Variants in EPM2A observed in about 807,000 individuals in gnomAD.
EPM2A encodes laforin.
EPM2A carries 21 observed loss-of-function variants against 26.5 expected under a neutral mutation model. That is an observed-to-expected ratio of 0.79 (90% CI 0.56 to 1.14). The LOEUF (loss-of-function observed/expected upper bound fraction) is 1.14, where lower values mean the gene tolerates loss of function less well. EPM2A is among the 50% of genes most tolerant of loss of function. EPM2A has a pLI of 0.00. For synonymous variants in EPM2A, 217 were observed against 177.6 expected, an observed-to-expected ratio of 1.22 and a Z score of -1.76; for missense variants, 458 against 440.8, an observed-to-expected ratio of 1.04 and a Z score of -0.35.
At chr6:145,548,103 G>A (rs981511731) in intron 2 of EPM2A, among the ~76,000 whole-genome samples, 1 of 151,934 alleles carries the variant, frequency 6.6e-6, no homozygotes, top group Non-Finnish European at 1.5e-5. Flanking sequence ...TGGCACTCCC[G>A]CATGCTGCAG....
intron 2 of EPM2A, among the ~76,000 whole-genome samples, chr6:145,537,285 T>C (rs1395570498): frequency 1.3e-5 from 2 of 152,170 alleles, no homozygotes; most frequent in Non-Finnish European, 2.9e-5. Context: ...ATATATGGTC[T>C]CTCCATTGTC....
intron 4 of EPM2A, among the ~76,000 whole-genome samples, chr6:145,431,239 G>A: frequency 6.6e-6 from 1 of 152,186 alleles, no homozygotes; most frequent in East Asian, 1.9e-4. Flanking sequence ...GAATACACTA[G>A]AGTCCTAATA....
At chr6:145,552,445 C>T (rs1043422502) in intron 2 of EPM2A, among the ~76,000 whole-genome samples, 2 of 151,944 alleles carry the variant, frequency 1.3e-5, no homozygotes, top group African/African-American at 4.8e-5. Flanking sequence ...AAAAAGTAGA[C>T]TTACAGAAAA....
chr6:145,609,901 C>T (rs1011524698), intron 2 of EPM2A, among the ~76,000 whole-genome samples: 9 of 152,144 alleles, frequency 5.9e-5, no homozygotes, highest in African/African-American at 2.2e-4. Flanking sequence ...TGAAATCTTT[C>T]ATCCATTTAT....
intron 4 of EPM2A, among the ~76,000 whole-genome samples, chr6:145,435,855 TAG>T (rs1176995858): frequency 3.3e-5 from 5 of 152,174 alleles, no homozygotes; most frequent in African/African-American, 7.2e-5. Context: ...GCTAAAAATA[TAG>T]AGAGTTTTTT....
intron 4 of EPM2A, among the ~76,000 whole-genome samples, chr6:145,422,701 A>AT (rs570928592): frequency 1.3e-5 from 2 of 151,830 alleles, no homozygotes; most frequent in Non-Finnish European, 2.9e-5. Flanking sequence ...TGTGAAATTG[A>AT]TTTTTTTCTC....
intron 2 of EPM2A, among the ~76,000 whole-genome samples, chr6:145,528,138 G>C (rs1264645811): frequency 4.6e-5 from 7 of 152,150 alleles, no homozygotes; most frequent in African/African-American, 1.2e-4. Flanking sequence ...AGCAGAGGTT[G>C]CTTCATGTGG....
At chr6:145,476,520 G>A (rs958583400) in intron 4 of EPM2A, among the ~76,000 whole-genome samples, 1 of 151,880 alleles carries the variant, frequency 6.6e-6, no homozygotes, top group Non-Finnish European at 1.5e-5. Context: ...TAGCACACAT[G>A]GATCATTCTC....
chr6:145,722,136 A>C (rs1775979111), intron 1 of EPM2A, among the ~76,000 whole-genome samples: 1 of 152,214 alleles, frequency 6.6e-6, no homozygotes, highest in African/African-American at 2.4e-5. Context: ...CACCTGGATT[A>C]TTTTAGTCTG....
chr6:145,429,365 G>T (rs1161460261), intron 4 of EPM2A, among the ~76,000 whole-genome samples: 17 of 151,898 alleles, frequency 1.1e-4, no homozygotes, highest in Admixed American at 1.1e-3. Context: ...TAAAAGCAAG[G>T]TTCTTTTCTA....
chr6:145,676,910 T>G (rs903563097), intron 2 of EPM2A, among the ~76,000 whole-genome samples: 1 of 152,082 alleles, frequency 6.6e-6, no homozygotes, highest in African/African-American at 2.4e-5. Context: ...AAAAAGGGAC[T>G]CCTCCATAAC....
At chr6:145,545,331 T>G (rs1369455462) in intron 2 of EPM2A, among the ~76,000 whole-genome samples, 3 of 152,156 alleles carry the variant, frequency 2.0e-5, no homozygotes, top group Non-Finnish European at 4.4e-5. Flanking sequence ...TAATGACTTG[T>G]GCAGAGTCAA....
chr6:145,566,172 G>A, intron 2 of EPM2A, among the ~76,000 whole-genome samples: 1 of 152,194 alleles, frequency 6.6e-6, no homozygotes, highest in South Asian at 2.1e-4. Context: ...GGAGGCTCAA[G>A]TGTTAGTCTC....
chr6:145,502,670 G>A (rs1301081224), intron 2 of EPM2A: 1 of 446,274 alleles, frequency 2.2e-6, no homozygotes, highest in Non-Finnish European at 4.6e-6. Context: ...GAAACACCTT[G>A]AAAATAAACA....
In EPM2A at chr6:145,569,921, T is replaced by C. The variant is rs144508877; in HGVS notation, c.340+65324A>G. ...ATGATCACAAGGTCCCACAATAGGC[T>C]GTCTGCAGGCTGAGGAGCAAGGAGA... On this transcript the variant is annotated intron_variant, in intron 2 of 3. Transcript: ENST00000450221. Among the ~76,000 whole-genome samples, 709 of 152,234 alleles carry C rather than the reference T, an allele frequency of 4.7e-3. 26 individuals are homozygous for C. In the East Asian group the frequency reaches 0.085, roughly 18 times the overall value.
chr6:145,579,549 G>T (rs1185936123), intron 2 of EPM2A, among the ~76,000 whole-genome samples: 1 of 152,142 alleles, frequency 6.6e-6, no homozygotes, highest in African/African-American at 2.4e-5. Flanking sequence ...TGATAGCATG[G>T]TGTAAATTTA....
chr6:145,615,097 T>C (rs1237252681), intron 2 of EPM2A, among the ~76,000 whole-genome samples: 1 of 152,180 alleles, frequency 6.6e-6, no homozygotes, highest in Non-Finnish European at 1.5e-5. Context: ...AAAACAGGGT[T>C]GAATACATGC....
intron 4 of EPM2A, among the ~76,000 whole-genome samples, chr6:145,438,901 G>A (rs532512383): frequency 7.0e-6 from 1 of 142,552 alleles, no homozygotes; most frequent in Admixed American, 7.2e-5. Context: ...CAGGTACTCA[G>A]CATAGTACCC....
intron 2 of EPM2A, among the ~76,000 whole-genome samples, chr6:145,618,406 T>C (rs552983586): frequency 3.9e-5 from 6 of 152,314 alleles, no homozygotes; most frequent in African/African-American, 1.4e-4. Flanking sequence ...GACCCTCATA[T>C]GTCTGATATG....
Sources: allele counts gnomAD v4.1 joint callset (sites outside exome capture counted in the v4.1 genomes callset), GRCh38; gene constraint gnomAD v4.1.1; transcripts MANE v1.5; gene names NCBI Gene and HGNC (gene_info 2026-07-23, HGNC 2026-07-21).